CSMD2: variants seen among roughly 807,000 people sequenced by gnomAD.
The protein encoded by CSMD2 is CUB and Sushi multiple domains 2, also known as CUB and sushi domain-containing protein 2.
Under a neutral mutation model 398.5 loss-of-function variants are expected in CSMD2, and 130 were observed. The ratio of observed to expected loss-of-function variants is 0.33; its 90% CI spans 0.28 to 0.38. The LOEUF is 0.38. Among genes scored for constraint, CSMD2 ranks in the 10% least tolerant of loss-of-function variants. CSMD2 has a pLI of 1.00. For missense variants in CSMD2, 3,829 were observed against 4,764.9 expected (o/e 0.80, Z 5.78); for synonymous variants, 1,828 against 1,908.5 (o/e 0.96, Z 1.10).
In CSMD2 at chr1:33,515,239, G is replaced by C. The variant is rs1653661011; in HGVS notation, c.*1385C>G. The C allele has an allele frequency of 6.6e-6, 1 of 152,230 alleles. No homozygotes were observed. Among genetic ancestry groups the C allele is most frequent in the Non-Finnish European group, 1.5e-5 (1 of 68,048 alleles). The allele number at this position is 152,230 out of a possible 1,614,324, so 9.4% of individuals were successfully genotyped here. ...TGTTGTTTTGATTCAGGACCTGCCA[G>C]GTCTTTTGCTGGCTATGGTCAGCGG... On this transcript the variant is annotated 3_prime_UTR_variant, in exon 71 of 71. Transcript: ENST00000373381.
At chr1:33,909,480 A>G (rs1643324313) in intron 5 of CSMD2, among the ~76,000 whole-genome samples, 1 of 152,050 alleles carries the variant, frequency 6.6e-6, no homozygotes, top group Admixed American at 6.6e-5. Context: ...TACTAACTTC[A>G]GTCTCCCCCA....
chr1:33,864,646 A>G, intron 5 of CSMD2: 1 of 1,613,948 alleles, frequency 6.2e-7, no homozygotes, highest in Non-Finnish European at 8.5e-7. Context: ...CTGAGAGCTA[A>G]GTACTTCGAG....
chr1:33,730,039 G>A (rs970216440), intron 15 of CSMD2, among the ~76,000 whole-genome samples: 5 of 152,238 alleles, frequency 3.3e-5, no homozygotes, highest in Admixed American at 2.6e-4. Context: ...GATAGCAAAT[G>A]TATGGAAACA....
chr1:34,100,451 C>CG (rs1355036812), intron 1 of CSMD2, among the ~76,000 whole-genome samples: 1 of 152,082 alleles, frequency 6.6e-6, no homozygotes, highest in Non-Finnish European at 1.5e-5. Flanking sequence ...AACAATACAC[C>CG]GGGGACACGT....
rs539689335 is a variant in CSMD2, at chr1:34,117,662, A to G, written c.188-28469T>C. Reference sequence around the variant, plus strand: ...CAAAGATACTACAAAAAAAAAAGAAAACAAACAAACAAAAACTACAGACCA... The same window carrying G: ...CAAAGATACTACAAAAAAAAAAGAAGACAAACAAACAAAAACTACAGACCA... On this transcript the variant is annotated intron_variant, in intron 1 of 70. Transcript: ENST00000373381. 5.8e-3 allele frequency among the ~76,000 whole-genome samples: 881 copies of G among 152,214 alleles called. 13 individuals are homozygous for G. The highest frequency in any genetic ancestry group is 0.02 in the African/African-American group (840 of 41,536).
intron 53 of CSMD2, among the ~76,000 whole-genome samples, chr1:33,564,968 T>G (rs1214894112): frequency 1.3e-5 from 2 of 152,140 alleles, no homozygotes; most frequent in Non-Finnish European, 2.9e-5. Flanking sequence ...ATCAAAAAAA[T>G]GCAGATTAAC....
At chr1:33,826,517 A>G (rs1658841823) in intron 6 of CSMD2, among the ~76,000 whole-genome samples, 1 of 152,226 alleles carries the variant, frequency 6.6e-6, no homozygotes, top group African/African-American at 2.4e-5. Context: ...CCCAGCCTAC[A>G]TAAGCCAACC....
At chr1:33,956,784 C>A (rs970307301) in intron 3 of CSMD2, among the ~76,000 whole-genome samples, 1 of 152,100 alleles carries the variant, frequency 6.6e-6, no homozygotes, top group South Asian at 2.1e-4. Context: ...CCACTCTTGC[C>A]CCCACAGCCA....
intron 3 of CSMD2, among the ~76,000 whole-genome samples, chr1:33,968,065 G>A (rs1247879799): frequency 6.6e-6 from 1 of 152,198 alleles, no homozygotes; most frequent in Non-Finnish European, 1.5e-5. Flanking sequence ...TGCCCCATGA[G>A]CCTAGTGGTC....
At chr1:34,057,937 C>T (rs1229899897) in intron 2 of CSMD2, among the ~76,000 whole-genome samples, 13 of 152,132 alleles carry the variant, frequency 8.5e-5, no homozygotes, top group South Asian at 4.1e-4. Context: ...AGGTGAGGCA[C>T]GCTCTGGGCT....
intron 5 of CSMD2, among the ~76,000 whole-genome samples, chr1:33,859,613 C>T (rs1056073604): frequency 6.6e-6 from 1 of 152,198 alleles, no homozygotes; most frequent in African/African-American, 2.4e-5. Flanking sequence ...ATTCTTCTGC[C>T]ACTTGCAGAT....
At position 33,935,915 on chromosome 1, in the gene CSMD2, G is replaced by C; in HGVS notation, c.557C>G (p.Pro186Arg). The change falls in exon 4 of 71, where the codon CCC becomes CGC. Residue 186 changes from proline to arginine, a missense_variant. Around this residue, in one of 5 missense-constraint regions of CSMD2, gnomAD observed 2,001 missense variants for 2,567.1 expected, o/e 0.78. Coordinates refer to ENST00000373381, the MANE Select transcript of CSMD2 (RefSeq NM_001281956.2). Reference sequence around the variant, plus strand: ...GGTTGAACCCTGCTGGATGCCATTGGGCAGCCTCCCTGGGTTCCCACATGT... The same window carrying C: ...GGTTGAACCCTGCTGGATGCCATTGCGCAGCCTCCCTGGGTTCCCACATGT... ...SHTCGNPGRL[P>R]NGIQQGSTFN... 6.2e-7 allele frequency: 1 copy of C among 1,613,594 alleles called. No homozygotes were observed. The highest frequency in any genetic ancestry group is 1.1e-5 in the South Asian group (1 of 91,016).
chr1:33,695,824 G>A lies in CSMD2; in HGVS notation c.3926-2768C>T, dbSNP rs2149106441. ...TGGTCTAGGCTGATGAAGTCCACAAGCTCTATTTGGATGGAGGACCTGAAT... is the reference window on the plus strand; with the variant it reads ...TGGTCTAGGCTGATGAAGTCCACAAACTCTATTTGGATGGAGGACCTGAAT... On this transcript the variant is annotated intron_variant, in intron 24 of 70. Coordinates refer to ENST00000373381, the MANE Select transcript of CSMD2 (RefSeq NM_001281956.2). Among the ~76,000 whole-genome samples, 2 of 152,292 alleles carry A rather than the reference G, an allele frequency of 1.3e-5. 1 individual carries two copies. Among genetic ancestry groups the A allele is most frequent in the Middle Eastern group, 6.8e-3 (2 of 294 alleles).
At chr1:34,068,912 C>T (rs901042896) in intron 2 of CSMD2, among the ~76,000 whole-genome samples, 2 of 152,194 alleles carry the variant, frequency 1.3e-5, no homozygotes, top group East Asian at 1.9e-4. Flanking sequence ...TTGCCGTCTG[C>T]CATTATTGTG....
chr1:34,149,875 C>T (rs945169901), intron 1 of CSMD2, among the ~76,000 whole-genome samples: 7 of 152,140 alleles, frequency 4.6e-5, no homozygotes, highest in African/African-American at 1.7e-4. Context: ...CAGGTGTGGG[C>T]TGACTTGTGG....
intron 19 of CSMD2, among the ~76,000 whole-genome samples, chr1:33,722,152 C>T (rs927349593): frequency 6.6e-6 from 1 of 152,094 alleles, no homozygotes; most frequent in Non-Finnish European, 1.5e-5. Flanking sequence ...TACATAATAT[C>T]TTAGGGGAAA....
chr1:33,558,848 G>A (rs891629701), intron 54 of CSMD2, among the ~76,000 whole-genome samples: 7 of 151,516 alleles, frequency 4.6e-5, no homozygotes, highest in Non-Finnish European at 1.0e-4. Context: ...ATCAAGAATG[G>A]GGATCTCTTA....
chr1:33,856,130 T>G (rs1027250883), intron 5 of CSMD2, among the ~76,000 whole-genome samples: 1 of 152,180 alleles, frequency 6.6e-6, no homozygotes, highest in African/African-American at 2.4e-5. Context: ...ATACAGTAGG[T>G]GCCTCACAAA....
At position 33,724,619 on chromosome 1, in the gene CSMD2, C is replaced by A. The variant is rs570847580; in HGVS notation, c.2781G>T (p.Ala927=). 274 of 1,614,038 alleles carry A rather than the reference C, an allele frequency of 1.7e-4. No homozygotes were observed. Among genetic ancestry groups the A allele is most frequent in the Non-Finnish European group, 2.3e-4 (273 of 1,180,046 alleles). ...QRHGNDFYVG[A]LVTFSCDSGY... ...CCGAGTCACAGCTGAAGGTCACCAG[C>A]GCGCCCACGTAGAAGTCATTCCCAT... Residue 927 remains alanine (A), a synonymous_variant, in exon 18 of 71, where the codon GCG becomes GCT. Transcript: ENST00000373381.
Sources: gnomAD v4.1 joint callset for allele counts (sites outside exome capture counted in the v4.1 genomes callset) on GRCh38, gnomAD v4.1.1 for gene constraint, gnomAD v4.1.1 regional missense constraint, MANE v1.5 for transcripts, NCBI Gene and HGNC (gene_info 2026-07-23, HGNC 2026-07-21) for gene names.